Variants in DSCAML1 observed in about 807,000 individuals in gnomAD.
The protein encoded by DSCAML1 is cell adhesion molecule DSCAML1.
Under a neutral mutation model 200.5 loss-of-function variants are expected in DSCAML1, and 38 were observed. The observed-to-expected ratio is 0.19, with a 90% CI of 0.15 to 0.25. The LOEUF (loss-of-function observed/expected upper bound fraction) is 0.25. Among genes scored for constraint, DSCAML1 ranks in the 10% least tolerant of loss-of-function variants. The probability of loss-of-function intolerance (pLI) is 1.00; values close to 1 mark genes in which losing one functional copy is unlikely to be tolerated. For missense variants in DSCAML1, 2,223 were observed against 2,858.8 expected (o/e 0.78, Z 5.07); for synonymous variants, 1,215 against 1,165.0 (o/e 1.04, Z -0.87).
rs759690503 is a variant in DSCAML1, at chr11:117,480,468, G to A, written c.2760C>T (p.Phe920=). ...CTGATTTGTTCTTGTATTCAATGTC[G>A]AAGCCCGTGATGATGCTGTTCCCGT... The part of the protein sequence containing the change: ...RFDGNSIITG[F]DIEYKNKSDS... Residue 920 remains phenylalanine (F), a synonymous_variant, in exon 14 of 33, where the codon TTC becomes TTT. Coordinates refer to ENST00000651296, the MANE Select transcript of DSCAML1 (RefSeq NM_020693.4). This position sits in a 1 kb window ranked among gnomAD's most constrained non-coding sequence, Gnocchi z 4.1. 1.7e-5 allele frequency: 28 copies of A among 1,613,448 alleles called. No homozygotes were observed. Among genetic ancestry groups the A allele is most frequent in the East Asian group, 4.5e-5 (2 of 44,868 alleles).
intron 4 of DSCAML1, among the ~76,000 whole-genome samples, chr11:117,526,220 C>T (rs770326117): frequency 1.3e-5 from 2 of 152,224 alleles, no homozygotes; most frequent in Non-Finnish European, 2.9e-5. Flanking sequence ...CCCTCACCTA[C>T]ACAACACACC....
intron 3 of DSCAML1, among the ~76,000 whole-genome samples, chr11:117,641,191 T>C (rs933414469): frequency 1.3e-5 from 2 of 152,210 alleles, no homozygotes; most frequent in Non-Finnish European, 2.9e-5. Flanking sequence ...GACTGGGGAC[T>C]AGTTGACCCC....
intron 3 of DSCAML1, among the ~76,000 whole-genome samples, chr11:117,706,816 T>C (rs559130235): frequency 1.3e-5 from 2 of 152,346 alleles, no homozygotes; most frequent in South Asian, 4.1e-4. Flanking sequence ...ACAGAACCAC[T>C]GACCTGAAGG....
At chr11:117,718,530 G>C (rs1481746940) in intron 3 of DSCAML1, among the ~76,000 whole-genome samples, 3 of 152,116 alleles carry the variant, frequency 2.0e-5, no homozygotes, top group African/African-American at 7.2e-5. Flanking sequence ...TTTCCTCCTT[G>C]GTAGAATTAA....
At chr11:117,572,440 A>C (rs927663248) in intron 3 of DSCAML1, among the ~76,000 whole-genome samples, 1 of 152,150 alleles carries the variant, frequency 6.6e-6, no homozygotes, top group Non-Finnish European at 1.5e-5. Context: ...CCACCATGAT[A>C]ATGAATGTGG....
chr11:117,661,596 G>A lies in DSCAML1; in HGVS notation c.511+115195C>T, dbSNP rs116823333. Among the ~76,000 whole-genome samples, 620 of 152,266 alleles carry A rather than the reference G, an allele frequency of 4.1e-3. 4 individuals are homozygous for A. Among genetic ancestry groups the A allele is most frequent in the African/African-American group, 0.014 (566 of 41,556 alleles). On this transcript the variant is annotated intron_variant, in intron 3 of 32. Transcript: ENST00000651296. The stretch of plus-strand genomic sequence containing the variant: ...CCTCCAATCAGTCCCAAATGCCACT[G>A]CTTAAATCGTCTTCCTTGTCTGCCA...
intron 30 of DSCAML1, among the ~76,000 whole-genome samples, 190 bp from the exon 31 acceptor site, chr11:117,431,918 T>G (rs61905261): frequency 1.6e-5 from 2 of 123,472 alleles, no homozygotes; most frequent in Non-Finnish European, 3.6e-5. Context: ...GAGTCAAGGT[T>G]GGGGAGGGGG....
Position 117,450,583 on chromosome 11 carries a change from G to A in DSCAML1, c.3674C>T (p.Thr1225Ile). Residue 1225 changes from threonine to isoleucine, a missense_variant, in exon 20 of 33, where the codon ACC (threonine) becomes ATC (isoleucine). Thr to Ile is a moderately conservative substitution (Grantham distance 89). This residue lies in a region of DSCAML1 where 438 missense variants were observed against 629.7 expected (regional missense o/e 0.70). Transcript: ENST00000651296. ...AGACCCGGGGCTGGAACAGAAGATG[G>A]TGTACTTGCGGATCACCCCGTTGGG... is the stretch of plus-strand genomic sequence containing the variant. ...TKPNGVIRKY[T>I]IFCSSPGSGQ... 1.2e-6 allele frequency: 2 copies of A among 1,614,212 alleles called. No individual in the cohort carries two copies. The highest frequency in any genetic ancestry group is 1.7e-6 in the Non-Finnish European group (2 of 1,180,042).
rs753748981 is a variant in DSCAML1, at chr11:117,695,315, C to CTTTTTTTT, written c.511+81468_511+81475dup. On this transcript the variant is annotated intron_variant, in intron 3 of 32. Transcript: ENST00000651296. ...TTTTTTCTTTTCTTTCTTTCTTTTT[C>CTTTTTTTT]TTTTTTTTTTTTTTTTTTTGCTAAC... Among the ~76,000 whole-genome samples the CTTTTTTTT allele has an allele frequency of 1.4e-3, 168 of 116,682 alleles. 1 individual carries two copies. The highest frequency in any genetic ancestry group is 3.8e-3 in the African/African-American group (120 of 31,388). 76.5% of individuals were successfully genotyped at this position (116,682 alleles called of 152,430 possible).
intron 3 of DSCAML1, among the ~76,000 whole-genome samples, chr11:117,705,038 AG>A (rs945446101): frequency 6.6e-6 from 1 of 152,108 alleles, no homozygotes; most frequent in East Asian, 1.9e-4. Context: ...ACCCACGCCG[AG>A]GGGGGGACGT....
At chr11:117,497,611 T>C (rs2049316042) in intron 11 of DSCAML1, among the ~76,000 whole-genome samples, 1 of 152,236 alleles carries the variant, frequency 6.6e-6, no homozygotes, top group Non-Finnish European at 1.5e-5. Flanking sequence ...GCTCATTCTC[T>C]CTTCCCTTCC....
At chr11:117,647,624 T>C (rs2052543668) in intron 3 of DSCAML1, among the ~76,000 whole-genome samples, 1 of 148,920 alleles carries the variant, frequency 6.7e-6, no homozygotes, top group Admixed American at 6.7e-5. Flanking sequence ...ACTTGGGGAG[T>C]AGGGATGAAA....
At chr11:117,687,181 G>C (rs757931174) in intron 3 of DSCAML1, among the ~76,000 whole-genome samples, 6 of 152,206 alleles carry the variant, frequency 3.9e-5, no homozygotes, top group Non-Finnish European at 7.3e-5. Context: ...GCAAGCCAAA[G>C]AGATCACAGG....
rs367588969 is a variant in DSCAML1, at chr11:117,774,591, A to G, written c.511+2200T>C. ...TCTGGTCCTAGATTCTAGGCTCTTA[A>G]TCACCACACTGCACTTGGTTCCATG... On this transcript the variant is annotated intron_variant, in intron 3 of 32. Coordinates refer to ENST00000651296, the MANE Select transcript of DSCAML1 (RefSeq NM_020693.4). Among the ~76,000 whole-genome samples, 224 of 152,224 alleles carry G rather than the reference A, an allele frequency of 1.5e-3. 3 individuals carry two copies. Among genetic ancestry groups the G allele is most frequent in the Admixed American group, 0.012 (189 of 15,288 alleles).
At chr11:117,739,471 A>T (rs979222789) in intron 3 of DSCAML1, among the ~76,000 whole-genome samples, 2 of 152,254 alleles carry the variant, frequency 1.3e-5, no homozygotes, top group African/African-American at 4.8e-5. Context: ...GGATAATGAG[A>T]TAAAACAGAT....
At chr11:117,553,308 T>C (rs1204379889) in intron 3 of DSCAML1, among the ~76,000 whole-genome samples, 1 of 152,188 alleles carries the variant, frequency 6.6e-6, no homozygotes, top group Non-Finnish European at 1.5e-5. Flanking sequence ...CATGTAAAAC[T>C]TCTATGCATC....
intron 3 of DSCAML1, among the ~76,000 whole-genome samples, chr11:117,574,372 G>T (rs1240089938): frequency 6.6e-6 from 1 of 152,166 alleles, no homozygotes; most frequent in Non-Finnish European, 1.5e-5. Flanking sequence ...CTTGGGGCAG[G>T]CTCCGAAGGA....
At chr11:117,638,119 G>C (rs542677564) in intron 3 of DSCAML1, among the ~76,000 whole-genome samples, 1 of 152,256 alleles carries the variant, frequency 6.6e-6, no homozygotes, top group African/African-American at 2.4e-5. Context: ...ATGTGTTCTG[G>C]GTGGCTCCAG....
intron 18 of DSCAML1, among the ~76,000 whole-genome samples, chr11:117,460,986 A>T (rs1331745398): frequency 6.6e-6 from 1 of 151,538 alleles, no homozygotes; most frequent in Non-Finnish European, 1.5e-5. Context: ...CCCTTCATTA[A>T]ACTCTTTGAT....
Sources: gnomAD v4.1 joint callset for allele counts (sites outside exome capture counted in the v4.1 genomes callset) on GRCh38, gnomAD v4.1.1 for gene constraint, gnomAD v4.1.1 regional missense constraint, Gnocchi (gnomAD v3.1) non-coding constraint, MANE v1.5 for transcripts, NCBI Gene and HGNC (gene_info 2026-07-23, HGNC 2026-07-21) for gene names.